The following CFAP20DC variants were observed in gnomAD, a reference collection of about 807,000 sequenced individuals.
The protein encoded by CFAP20DC is protein CFAP20DC.
In CFAP20DC, 84 loss-of-function variants were observed where a neutral mutation model predicts 101.7. The ratio of observed to expected loss-of-function variants is 0.83; its 90% CI spans 0.69 to 0.99. The LOEUF (loss-of-function observed/expected upper bound fraction) is 0.99, where lower values mean the gene tolerates loss of function less well. CFAP20DC is among the 50% of genes least tolerant of loss of function. CFAP20DC has a pLI of 0.00. For missense variants in CFAP20DC, 1,007 were observed against 970.3 expected, an observed-to-expected ratio of 1.04 and a Z score of -0.50; for synonymous variants, 359 against 351.2, an observed-to-expected ratio of 1.02 and a Z score of -0.25.
At chr3:58,909,170 T>A (rs1384076577) in intron 6 of CFAP20DC, among the ~76,000 whole-genome samples, 2 of 152,142 alleles carry the variant, frequency 1.3e-5, no homozygotes, top group Non-Finnish European at 2.9e-5. Context: ...GATAATGATG[T>A]CTCAGTGTAA....
In CFAP20DC at chr3:58,804,880, T is replaced by A. The variant is rs771404003; in HGVS notation, c.2237+1515A>T. Reference sequence around the variant, plus strand: ...AACCTCAGTTTTAAACTCTTTAGTGTATCTATTTGTGATAGTGACAATTCA... The same window carrying A: ...AACCTCAGTTTTAAACTCTTTAGTGAATCTATTTGTGATAGTGACAATTCA... On this transcript the variant is annotated intron_variant, in intron 15 of 16. Coordinates refer to ENST00000482387, the MANE Select transcript of CFAP20DC (RefSeq NM_001394063.1). Among the ~76,000 whole-genome samples the A allele has an allele frequency of 1.2e-3, 178 of 152,350 alleles. 1 individual carries two copies. Among genetic ancestry groups the A allele is most frequent in the Non-Finnish European group, 1.5e-3 (103 of 68,034 alleles).
chr3:58,730,800 A>G (rs866161699), intron 3 of CFAP20DC, among the ~76,000 whole-genome samples: 10 of 151,888 alleles, frequency 6.6e-5, no homozygotes, highest in Non-Finnish European at 1.5e-5. Flanking sequence ...TTTTTTTTTT[A>G]AAGTAATTCA....
At chr3:58,936,205 A>C (rs2087578820) in intron 5 of CFAP20DC, among the ~76,000 whole-genome samples, 1 of 152,060 alleles carries the variant, frequency 6.6e-6, no homozygotes, top group African/African-American at 2.4e-5. Flanking sequence ...AGAGAAATGC[A>C]AATCAAAACC....
intron 15 of CFAP20DC, among the ~76,000 whole-genome samples, chr3:58,804,213 C>A (rs531539314): frequency 5.9e-5 from 9 of 152,234 alleles, no homozygotes; most frequent in African/African-American, 1.9e-4. Context: ...TTAAAAAGGT[C>A]TGGAGAGGTC....
intron 4 of CFAP20DC, among the ~76,000 whole-genome samples, chr3:58,972,210 A>G (rs2091991227): frequency 6.6e-6 from 1 of 152,196 alleles, no homozygotes. Context: ...GCGTTCTGCT[A>G]GGCTCATACC....
chr3:58,839,116 ATAGAG>A (rs1016338771), intron 13 of CFAP20DC, among the ~76,000 whole-genome samples: 5 of 152,378 alleles, frequency 3.3e-5, no homozygotes, highest in Non-Finnish European at 5.9e-5. Flanking sequence ...CTTTGGTTGA[ATAGAG>A]TAATGACAGA....
At chr3:58,939,747 C>T (rs1053355470) in intron 4 of CFAP20DC, among the ~76,000 whole-genome samples, 6 of 147,640 alleles carry the variant, frequency 4.1e-5, no homozygotes, top group East Asian at 2.0e-4. Flanking sequence ...TGTGAGTCAC[C>T]GTGCCCGGCC....
At chr3:58,927,068 T>G (rs1002680801) in intron 5 of CFAP20DC, among the ~76,000 whole-genome samples, 1 of 152,222 alleles carries the variant, frequency 6.6e-6, no homozygotes, top group Non-Finnish European at 1.5e-5. Context: ...TTTAATCGGA[T>G]AGTTTTTAAT....
intron 3 of CFAP20DC, among the ~76,000 whole-genome samples, chr3:59,045,756 A>G (rs1335189011): frequency 6.6e-6 from 1 of 152,134 alleles, no homozygotes; most frequent in African/African-American, 2.4e-5. Flanking sequence ...ATTATGCTTT[A>G]TATCTTACTT....
chr3:58,940,474 A>G (rs1196712507), intron 4 of CFAP20DC, among the ~76,000 whole-genome samples: 3 of 152,112 alleles, frequency 2.0e-5, no homozygotes, highest in African/African-American at 7.2e-5. Context: ...TAGGGGTTGG[A>G]GTTCTTTTCT....
At chr3:58,963,402 C>T (rs908064541) in intron 4 of CFAP20DC, among the ~76,000 whole-genome samples, 11 of 151,986 alleles carry the variant, frequency 7.2e-5, no homozygotes, top group African/African-American at 2.7e-4. Context: ...CTCATTTTAA[C>T]CTCTGTCTTA....
chr3:58,928,070 T>C (rs528547896), intron 5 of CFAP20DC, among the ~76,000 whole-genome samples: 1 of 152,332 alleles, frequency 6.6e-6, no homozygotes, highest in South Asian at 2.1e-4. Context: ...TTTTCTCCCA[T>C]GTCAGGAGAT....
At position 59,006,772 on chromosome 3, in the gene CFAP20DC, C is replaced by T. The variant is rs2093443538; in HGVS notation, c.278+32785G>A. 6.6e-6 allele frequency among the ~76,000 whole-genome samples: 1 copy of T among 152,114 alleles called. No individual in the cohort carries two copies. The highest frequency in any genetic ancestry group is 1.5e-5 in the Non-Finnish European group (1 of 68,034). On this transcript the variant is annotated intron_variant, in intron 4 of 16. Coordinates refer to ENST00000482387, the MANE Select transcript of CFAP20DC (RefSeq NM_001394063.1). This position sits in a 1 kb window ranked among gnomAD's most constrained non-coding sequence, Gnocchi z 4.3. Reference sequence around the variant, plus strand: ...GTCACAAGATGAATGAAGCTTCCAACTAAATTTTGTAATAGTTTCAACTGG... The same window carrying T: ...GTCACAAGATGAATGAAGCTTCCAATTAAATTTTGTAATAGTTTCAACTGG...
intron 4 of CFAP20DC, among the ~76,000 whole-genome samples, chr3:58,976,395 T>C (rs2092277347): frequency 6.6e-6 from 1 of 152,136 alleles, no homozygotes; most frequent in Non-Finnish European, 1.5e-5. Flanking sequence ...CCTGATGACA[T>C]GATGGTTCTT....
At chr3:58,813,229 A>C (rs2107805982) in intron 14 of CFAP20DC, among the ~76,000 whole-genome samples, 1 of 151,972 alleles carries the variant, frequency 6.6e-6, no homozygotes, top group Admixed American at 6.6e-5. Context: ...TTTCAGTTAC[A>C]TTTCAAAACA....
intron 4 of CFAP20DC, among the ~76,000 whole-genome samples, chr3:58,955,843 T>C (rs1320212906): frequency 1.3e-5 from 2 of 151,428 alleles, no homozygotes; most frequent in Non-Finnish European, 1.5e-5. Context: ...GCACCTTGGA[T>C]ACCAGCTCAG....
chr3:58,739,095 G>T (rs2107113867), downstream of CFAP20DC, among the ~76,000 whole-genome samples: 1 of 152,280 alleles, frequency 6.6e-6, no homozygotes, highest in African/African-American at 2.4e-5. Flanking sequence ...AATAGGGCAA[G>T]ATTTTTTTGG....
At chr3:59,028,082 T>C (rs1162384043) in intron 4 of CFAP20DC, among the ~76,000 whole-genome samples, 2 of 152,234 alleles carry the variant, frequency 1.3e-5, no homozygotes, top group Admixed American at 1.3e-4. Context: ...TCATTCTATG[T>C]GTTAGTACAG....
chr3:58,726,158 T>C (rs2067547007), intron 3 of CFAP20DC: 1 of 152,250 alleles, frequency 6.6e-6, no homozygotes, highest in Non-Finnish European at 1.5e-5. Context: ...TCTGACCATT[T>C]CAATACCATT....
Sources: gnomAD v4.1 joint callset for allele counts (sites outside exome capture counted in the v4.1 genomes callset) on GRCh38, gnomAD v4.1.1 for gene constraint, Gnocchi (gnomAD v3.1) non-coding constraint, MANE v1.5 for transcripts, NCBI Gene and HGNC (gene_info 2026-07-23, HGNC 2026-07-21) for gene names.